Variants in MACROD2 observed in about 807,000 individuals in gnomAD.
The protein encoded by MACROD2 is ADP-ribose glycohydrolase MACROD2.
Under a neutral mutation model 70.4 loss-of-function variants are expected in MACROD2, and 36 were observed. The observed-to-expected ratio is 0.51, with a 90% CI of 0.39 to 0.68. The LOEUF is 0.68. Among genes scored for constraint, MACROD2 ranks in the 30% least tolerant of loss-of-function variants. The pLI, the probability that MACROD2 is intolerant of heterozygous loss-of-function variation, is 0.00. For missense variants in MACROD2, 496 were observed against 538.4 expected (o/e 0.92, Z 0.78); for synonymous variants, 172 against 178.8 (o/e 0.96, Z 0.30).
At chr20:15,141,556 T>A (rs1470251413) in intron 5 of MACROD2, among the ~76,000 whole-genome samples, 1 of 152,174 alleles carries the variant, frequency 6.6e-6, no homozygotes, top group East Asian at 1.9e-4. Flanking sequence ...TCTCTCTGAT[T>A]CCAAGTGACC....
chr20:14,812,121 T>G (rs924455110), intron 5 of MACROD2, among the ~76,000 whole-genome samples: 1 of 152,054 alleles, frequency 6.6e-6, no homozygotes, highest in Non-Finnish European at 1.5e-5. Flanking sequence ...TAAAGACACA[T>G]GCACACATAT....
intron 5 of MACROD2, among the ~76,000 whole-genome samples, chr20:15,079,932 A>G (rs192772888): frequency 5.8e-4 from 89 of 152,168 alleles, no homozygotes; most frequent in African/African-American, 1.9e-3. Flanking sequence ...CCCCAGAGAA[A>G]ATAGAAGCTA....
chr20:15,590,788 G>C (rs1270677115), intron 8 of MACROD2, among the ~76,000 whole-genome samples: 1 of 151,700 alleles, frequency 6.6e-6, no homozygotes, highest in Non-Finnish European at 1.5e-5. Context: ...CATGAGAATC[G>C]CTTGAACCTG....
chr20:15,665,237 G>C (rs945900138), intron 8 of MACROD2, among the ~76,000 whole-genome samples: 1 of 152,172 alleles, frequency 6.6e-6, no homozygotes, highest in Non-Finnish European at 1.5e-5. Flanking sequence ...TATGCCAGTT[G>C]TGAGTCTTCT....
intron 3 of MACROD2, among the ~76,000 whole-genome samples, chr20:14,445,364 C>T (rs1453207821): frequency 6.6e-6 from 1 of 152,096 alleles, no homozygotes; most frequent in Non-Finnish European, 1.5e-5. Flanking sequence ...ATCTCTTTTG[C>T]ACAATTTTCC....
intron 6 of MACROD2, among the ~76,000 whole-genome samples, chr20:15,313,072 A>G (rs1445166193): frequency 6.6e-6 from 1 of 152,150 alleles, no homozygotes; most frequent in Non-Finnish European, 1.5e-5. Flanking sequence ...AAACTTTTAA[A>G]TATTCTCAGT....
At chr20:14,919,555 G>A (rs1006594505) in intron 5 of MACROD2, among the ~76,000 whole-genome samples, 6 of 152,188 alleles carry the variant, frequency 3.9e-5, no homozygotes, top group African/African-American at 1.4e-4. Context: ...GAACAGGGCC[G>A]TGTTCTCTTT....
At chr20:14,568,985 A>G (rs960183676) in intron 4 of MACROD2, among the ~76,000 whole-genome samples, 1 of 151,874 alleles carries the variant, frequency 6.6e-6, no homozygotes, top group East Asian at 1.9e-4. Flanking sequence ...TCTCTTTCCA[A>G]CTCAATCTAT....
intron 2 of MACROD2, among the ~76,000 whole-genome samples, chr20:14,068,078 G>A (rs915044320): frequency 1.3e-5 from 2 of 152,152 alleles, no homozygotes; most frequent in East Asian, 1.9e-4. Flanking sequence ...TCCATTGTTC[G>A]TTCTTAAAGA....
chr20:15,769,919 C>T (rs1335080134), intron 8 of MACROD2, among the ~76,000 whole-genome samples: 2 of 151,992 alleles, frequency 1.3e-5, no homozygotes, highest in Non-Finnish European at 2.9e-5. Flanking sequence ...GTATTTTCAT[C>T]AACAACTGGC....
chr20:14,958,222 T>G (rs956582930), intron 5 of MACROD2, among the ~76,000 whole-genome samples: 10 of 152,184 alleles, frequency 6.6e-5, no homozygotes, highest in African/African-American at 2.2e-4. Flanking sequence ...CAAATTTATG[T>G]GGTATTAATC....
At chr20:15,088,433 ATATATATATATATATATAATATTT>A (rs1568567389) in intron 5 of MACROD2, among the ~76,000 whole-genome samples, 14 of 34,608 alleles carry the variant, frequency 4.0e-4, no homozygotes, top group African/African-American at 1.1e-3. Flanking sequence ...ATATATATAT[ATATATATATATATATATAATATTT>A]TGTGTGTGTG....
chr20:15,073,759 A>G (rs2075637087), intron 5 of MACROD2, among the ~76,000 whole-genome samples: 1 of 152,208 alleles, frequency 6.6e-6, no homozygotes, highest in Non-Finnish European at 1.5e-5. Context: ...CAAAGGAAAC[A>G]GTATTTTAAA....
At chr20:15,962,408 T>C (rs2066075989) in intron 12 of MACROD2, among the ~76,000 whole-genome samples, 1 of 152,222 alleles carries the variant, frequency 6.6e-6, no homozygotes, top group Admixed American at 6.5e-5. Context: ...GTTATGAAGC[T>C]TGTAGCTCTA....
chr20:14,389,423 A>AG (rs1312305919), intron 3 of MACROD2, among the ~76,000 whole-genome samples: 1 of 147,948 alleles, frequency 6.8e-6, no homozygotes, highest in Non-Finnish European at 1.5e-5. Flanking sequence ...CTTGGTCTCA[A>AG]AAAAAAAAAA....
At chr20:15,948,567 A>T (rs1370714046) in intron 12 of MACROD2, among the ~76,000 whole-genome samples, 2 of 151,524 alleles carry the variant, frequency 1.3e-5, no homozygotes, top group African/African-American at 4.9e-5. Flanking sequence ...AAACTTTCAC[A>T]CTGCAGAAAT....
chr20:15,492,047 T>C (rs1442313590), intron 7 of MACROD2, among the ~76,000 whole-genome samples: 1 of 152,234 alleles, frequency 6.6e-6, no homozygotes, highest in Admixed American at 6.5e-5. Context: ...GCGAAGCCAG[T>C]GACACCTTTT....
chr20:14,740,645 A>T (rs2071721900), intron 5 of MACROD2, among the ~76,000 whole-genome samples: 1 of 152,168 alleles, frequency 6.6e-6, no homozygotes, highest in Non-Finnish European at 1.5e-5. Context: ...TTATCTTAAA[A>T]GCTGCTTATC....
chr20:15,316,165 A>C (rs1273749766), intron 6 of MACROD2, among the ~76,000 whole-genome samples: 3 of 152,108 alleles, frequency 2.0e-5, no homozygotes, highest in Non-Finnish European at 4.4e-5. Context: ...GGAACAAAAA[A>C]AGTATAACAT....
Sources: gnomAD v4.1 joint callset for allele counts (sites outside exome capture counted in the v4.1 genomes callset) on GRCh38, gnomAD v4.1.1 for gene constraint, MANE v1.5 for transcripts, NCBI Gene and HGNC (gene_info 2026-07-23, HGNC 2026-07-21) for gene names.